PALD1: variants seen among roughly 807,000 people sequenced by gnomAD.
PALD1 encodes phosphatase domain containing paladin 1.
In PALD1, 57 loss-of-function variants were observed where a neutral mutation model predicts 96.0. The observed-to-expected ratio is 0.59, with a 90% CI of 0.48 to 0.74. PALD1 has a LOEUF of 0.74. Among genes scored for constraint, PALD1 ranks in the 30% least tolerant of loss-of-function variants. The pLI is 0.00. For synonymous variants in PALD1, 464 were observed against 473.6 expected, an observed-to-expected ratio of 0.98 and a Z score of 0.26; for missense variants, 1,063 against 1,143.7, an observed-to-expected ratio of 0.93 and a Z score of 1.02.
At chr10:70,538,236 G>T in intron 11 of PALD1, 44 bp from the exon 12 acceptor site, 1 of 1,594,904 alleles carries the variant, frequency 6.3e-7, no homozygotes, top group Non-Finnish European at 8.5e-7. Context: ...GTTCAGGATG[G>T]CCCTGTGCCC....
chr10:70,459,540 C>T, the PALD1 span, among the ~76,000 whole-genome samples: 2 of 152,286 alleles, frequency 1.3e-5, no homozygotes, highest in Admixed American at 6.5e-5. Context: ...TGGGCAGTGC[C>T]AACCTGGCAT....
intron 1 of PALD1, among the ~76,000 whole-genome samples, chr10:70,511,750 G>A (rs544245142): frequency 2.0e-4 from 31 of 152,076 alleles, no homozygotes; most frequent in African/African-American, 7.0e-4. Context: ...CATTGAGGGC[G>A]GGGCGTGGTG....
At chr10:70,538,102 C>G (rs1262766856) in intron 11 of PALD1, among the ~76,000 whole-genome samples, 178 bp from the exon 12 acceptor site, 1 of 152,244 alleles carries the variant, frequency 6.6e-6, no homozygotes, top group Non-Finnish European at 1.5e-5. Flanking sequence ...CCACCGGGCC[C>G]TTGTCTCTGT....
rs534398280 is a variant in PALD1 at position 70,533,406 on chromosome 10, TGTA to T, written c.870+338_870+340del. On this transcript the variant is annotated intron_variant, in intron 7 of 19. Coordinates refer to ENST00000263563, the MANE Select transcript of PALD1 (RefSeq NM_014431.3). ...ATGTGTTTGTGTGTGTGTACCTGTA[TGTA>T]GGTGTGTGTTTGTGCATTCTCTTAT... 2.6e-4 allele frequency among the ~76,000 whole-genome samples: 40 copies of T among 152,186 alleles called. 1 individual carries two copies. In the South Asian group the frequency reaches 7.9e-3, roughly 30 times the overall value.
chr10:70,539,327 C>T lies in PALD1; in HGVS notation c.1725+80C>T. Reference sequence around the variant, plus strand: ...CTGGGAGGGTCTTCAGAAGGCCTCACACTCCCGCAGACAGATGGAGAATCT... The same window carrying T: ...CTGGGAGGGTCTTCAGAAGGCCTCATACTCCCGCAGACAGATGGAGAATCT... On this transcript the variant is annotated intron_variant, in intron 14 of 19. Coordinates refer to ENST00000263563, the MANE Select transcript of PALD1 (RefSeq NM_014431.3). The surrounding 1 kb of genome is among the most constrained non-coding windows in gnomAD (Gnocchi z 4.5). The T allele has an allele frequency of 1.4e-6, 2 of 1,391,812 alleles. No homozygotes were observed. The highest frequency in any genetic ancestry group is 1.9e-6 in the Non-Finnish European group (2 of 1,029,196). 86.2% of individuals were successfully genotyped at this position (1,391,812 alleles called of 1,614,324 possible). A position where few individuals can be genotyped will look rare whatever the true frequency, so the allele number is the denominator to read the frequency against.
chr10:70,460,235 A>C, the PALD1 span, among the ~76,000 whole-genome samples: 1 of 150,834 alleles, frequency 6.6e-6, no homozygotes, highest in Non-Finnish European at 1.5e-5. Flanking sequence ...CTGTGCTTCG[A>C]CTTCTCTTCT....
chr10:70,506,998 A>C (rs957435182), intron 1 of PALD1, among the ~76,000 whole-genome samples: 9 of 152,308 alleles, frequency 5.9e-5, no homozygotes, highest in Admixed American at 5.9e-4. Context: ...TGGGACCTGG[A>C]CTAAAACCCC....
intron 10 of PALD1, among the ~76,000 whole-genome samples, chr10:70,535,483 C>A (rs1360728488): frequency 8.0e-6 from 1 of 125,304 alleles, no homozygotes; most frequent in African/African-American, 3.0e-5. Flanking sequence ...TTCCTCCTCT[C>A]CCCTTCCTTC....
intron 1 of PALD1, among the ~76,000 whole-genome samples, chr10:70,492,622 A>G (rs1439455840): frequency 6.6e-6 from 1 of 151,602 alleles, no homozygotes; most frequent in Non-Finnish European, 1.5e-5. Flanking sequence ...ACGCCTGGCT[A>G]ATTTTTGTGT....
chr10:70,533,024 G>A lies in PALD1; in HGVS notation c.824G>A (p.Gly275Glu), dbSNP rs746854175. 2.8e-5 allele frequency: 45 copies of A among 1,586,502 alleles called. No individual in the cohort carries two copies. Among genetic ancestry groups the A allele is most frequent in the Non-Finnish European group, 3.9e-5 (45 of 1,166,106 alleles). ...RYHRLPLPEQ[G>E]SPLEAQLDAF... Reference sequence around the variant, plus strand: ...CACCGCCTGCCCCTGCCCGAGCAAGGGAGTCCCCTGGAGGCCCAGTTGGAC... The same window carrying A: ...CACCGCCTGCCCCTGCCCGAGCAAGAGAGTCCCCTGGAGGCCCAGTTGGAC... Residue 275 changes from glycine (G) to glutamate (E), a missense_variant, in exon 7 of 20, where the codon GGG (glycine) becomes GAG (glutamate). Transcript: ENST00000263563.
chr10:70,564,789 G>A (rs997574952), intron 19 of PALD1, among the ~76,000 whole-genome samples: 2 of 152,252 alleles, frequency 1.3e-5, no homozygotes, highest in Non-Finnish European at 2.9e-5. Context: ...ACAGAGTGGT[G>A]AGGGACAGAG....
chr10:70,534,824 G>A lies in PALD1; in HGVS notation c.1208G>A (p.Arg403Gln), dbSNP rs747709218. ...AACCAGAAGAAGTTAGAAGGTATCC[G>A]ACCGGAGAGCCCAGCCCAGGTGAGG... ...LENQKKLEGI[R>Q]PESPAQGSGS... The change falls in exon 10 of 20, where the codon CGA becomes CAA. Residue 403 changes from arginine to glutamine, a missense_variant. Arg to Gln is a conservative substitution (Grantham distance 43). Transcript: ENST00000263563. 1.2e-6 allele frequency: 2 copies of A among 1,610,874 alleles called. No homozygotes were observed. The highest frequency in any genetic ancestry group is 2.2e-5 in the South Asian group (2 of 90,464).
intron 18 of PALD1, among the ~76,000 whole-genome samples, chr10:70,557,856 G>A (rs1419632420): frequency 6.6e-6 from 1 of 152,030 alleles, no homozygotes; most frequent in Non-Finnish European, 1.5e-5. Context: ...TAATGGCAGG[G>A]GGTGGCAGGG....
intron 12 of PALD1, 148 bp from the exon 13 acceptor site, chr10:70,538,744 C>G (rs543145524): frequency 1.4e-6 from 1 of 703,164 alleles, no homozygotes; most frequent in Admixed American, 2.2e-5. Flanking sequence ...TTGCCAGGGC[C>G]GGGGGAAGCT....
At chr10:70,564,907 C>T (rs916222487) in intron 19 of PALD1, among the ~76,000 whole-genome samples, 2 of 152,222 alleles carry the variant, frequency 1.3e-5, no homozygotes, top group African/African-American at 4.8e-5. Flanking sequence ...TCAGCCCTCA[C>T]CTGTGCTCCG....
At chr10:70,490,580 T>TA (rs990235817) in intron 1 of PALD1, among the ~76,000 whole-genome samples, 4 of 152,242 alleles carry the variant, frequency 2.6e-5, no homozygotes, top group East Asian at 1.9e-4. Context: ...ACAAAACTAT[T>TA]AAAAAAACAG....
chr10:70,557,950 T>TTTTTTTTA (rs71012214), intron 18 of PALD1, among the ~76,000 whole-genome samples: 2 of 135,224 alleles, frequency 1.5e-5, no homozygotes, highest in Non-Finnish European at 3.2e-5. Flanking sequence ...TTTTTTTTTT[T>TTTTTTTTA]AGAGACAGAG....
At chr10:70,503,115 C>T (rs1043382216) in intron 1 of PALD1, among the ~76,000 whole-genome samples, 1 of 151,892 alleles carries the variant, frequency 6.6e-6, no homozygotes, top group Admixed American at 6.6e-5. Flanking sequence ...CCCGACCTCA[C>T]GTGATCTGCC....
At chr10:70,466,511 G>A in the PALD1 span, among the ~76,000 whole-genome samples, 1 of 152,012 alleles carries the variant, frequency 6.6e-6, no homozygotes, top group African/African-American at 2.4e-5. Context: ...CCAAAGTGTC[G>A]GGATTACAGG....
Sources: gnomAD v4.1 joint callset for allele counts (sites outside exome capture counted in the v4.1 genomes callset) on GRCh38, gnomAD v4.1.1 for gene constraint, Gnocchi (gnomAD v3.1) non-coding constraint, MANE v1.5 for transcripts, NCBI Gene and HGNC (gene_info 2026-07-23, HGNC 2026-07-21) for gene names.